The following MYOCOS variants were observed in gnomAD, a reference collection of about 807,000 sequenced individuals.
The protein encoded by MYOCOS is myocilin opposite strand protein.
chr1:171,606,715 C>G (rs1007771357), intron 1 of MYOCOS, among the ~76,000 whole-genome samples: 1 of 152,186 alleles, frequency 6.6e-6, no homozygotes, highest in Non-Finnish European at 1.5e-5. Context: ...ATTGTGCACT[C>G]GAGGAGCTCA....
upstream of MYOCOS, among the ~76,000 whole-genome samples, chr1:171,617,714 T>TG (rs1442547891): frequency 6.6e-6 from 1 of 152,126 alleles, no homozygotes; most frequent in East Asian, 1.9e-4. Context: ...TGTTTTGTGG[T>TG]GGGGAAAAGT....
chr1:171,608,542 C>T (rs1018048879), intron 1 of MYOCOS, among the ~76,000 whole-genome samples: 14 of 151,410 alleles, frequency 9.2e-5, no homozygotes, highest in Admixed American at 3.9e-4. Flanking sequence ...CTCAGCCTCC[C>T]GAGTAGCTGG....
At chr1:171,605,395 A>ACACACAC (rs1553253249) in intron 1 of MYOCOS, among the ~76,000 whole-genome samples, 39 of 114,758 alleles carry the variant, frequency 3.4e-4, no homozygotes, top group African/African-American at 1.2e-3. Flanking sequence ...ACACACACAC[A>ACACACAC]AAAAAAAAAA....
At chr1:171,615,588 C>A (rs1652431802) in intron 2 of MYOCOS, among the ~76,000 whole-genome samples, 1 of 152,300 alleles carries the variant, frequency 6.6e-6, no homozygotes, top group East Asian at 1.9e-4. Context: ...AAAATCAACT[C>A]ATAACTTAGA....
At chr1:171,604,556 G>A (rs1389497241) in intron 1 of MYOCOS, among the ~76,000 whole-genome samples, 1 of 152,160 alleles carries the variant, frequency 6.6e-6, no homozygotes, top group East Asian at 1.9e-4. Context: ...TTTGAAGTAA[G>A]ACTAAGAACT....
upstream of MYOCOS, among the ~76,000 whole-genome samples, chr1:171,621,962 T>C (rs1238006503): frequency 6.6e-6 from 1 of 152,194 alleles, no homozygotes; most frequent in African/African-American, 2.4e-5. Context: ...ACTCCTCTTT[T>C]ACAAGTAAGA....
rs1652243897 is a variant in MYOCOS at position 171,606,401 on chromosome 1, T to A, written c.-252+5321T>A. ...TATTGTTTTATACTCAGTACCTGTT[T>A]TAAGAAAAAAAGAAAAAACAACAAG... On this transcript the variant is annotated intron_variant, in intron 1 of 3. Transcript: ENST00000636697. 2.0e-5 allele frequency among the ~76,000 whole-genome samples: 3 copies of A among 152,106 alleles called. No individual in the cohort carries two copies. The South Asian group carries it at 6.2e-4, about 31-fold the overall frequency.
rs139468114 is a variant in MYOCOS, at chr1:171,607,366, T to A, written c.-252+6286T>A. Among the ~76,000 whole-genome samples the A allele has an allele frequency of 4.0e-4, 61 of 152,316 alleles. 1 individual carries two copies. The East Asian group carries it at 0.011, about 28-fold the overall frequency. Reference sequence around the variant, plus strand: ...TGGATTTTTCCAGAGTGAAATAACTTCTGTAAATACAAAATTTAGGCCATT... The same window carrying A: ...TGGATTTTTCCAGAGTGAAATAACTACTGTAAATACAAAATTTAGGCCATT... On this transcript the variant is annotated intron_variant, in intron 1 of 3. Coordinates refer to the MYOCOS transcript ENST00000636697.
At chr1:171,619,883 A>G (rs1395984788), upstream of MYOCOS, among the ~76,000 whole-genome samples, 1 of 151,150 alleles carries the variant, frequency 6.6e-6, no homozygotes, top group East Asian at 1.9e-4. Flanking sequence ...GTGGCTGTAT[A>G]TCTTCTGAAA....
chr1:171,606,816 T>C (rs1437445678), intron 1 of MYOCOS, among the ~76,000 whole-genome samples: 3 of 152,078 alleles, frequency 2.0e-5, no homozygotes, highest in African/African-American at 7.2e-5. Flanking sequence ...CTGCGGCTTG[T>C]CCTGCTACAG....
chr1:171,605,907 T>G (rs896937767), intron 1 of MYOCOS, among the ~76,000 whole-genome samples: 3 of 152,200 alleles, frequency 2.0e-5, no homozygotes, highest in African/African-American at 7.2e-5. Context: ...AGAGAAATGC[T>G]ATCTATCAAA....
At chr1:171,606,052 G>A (rs977221177) in intron 1 of MYOCOS, among the ~76,000 whole-genome samples, 1 of 152,164 alleles carries the variant, frequency 6.6e-6, no homozygotes. Flanking sequence ...GCCCGTAAAA[G>A]TGTAGCACGG....
intron 1 of MYOCOS, among the ~76,000 whole-genome samples, chr1:171,611,553 TC>T (rs1324525064): frequency 6.6e-6 from 1 of 152,190 alleles, no homozygotes; most frequent in Non-Finnish European, 1.5e-5. Flanking sequence ...CCACAAAACA[TC>T]TTTGTGAGTC....
At chr1:171,623,800 C>G (rs2102940106) in intron 1 of MYOCOS, 41 bp from the exon 2 acceptor site, 1 of 397,894 alleles carries the variant, frequency 2.5e-6, no homozygotes, top group South Asian at 1.3e-4. Context: ...ATTCCTGACC[C>G]CTGAAGCATG....
At chr1:171,613,672 T>C (rs1652396591) in intron 1 of MYOCOS, among the ~76,000 whole-genome samples, 1 of 152,112 alleles carries the variant, frequency 6.6e-6, no homozygotes, top group Non-Finnish European at 1.5e-5. Flanking sequence ...CTCAGCTTCC[T>C]GAGTAGCTGG....
At chr1:171,604,652 C>A (rs1652209948) in intron 1 of MYOCOS, among the ~76,000 whole-genome samples, 1 of 152,094 alleles carries the variant, frequency 6.6e-6, no homozygotes, top group Non-Finnish European at 1.5e-5. Flanking sequence ...AAATTTGACG[C>A]CTGTGCCACT....
At chr1:171,614,013 T>A (rs1652403892) in intron 1 of MYOCOS, among the ~76,000 whole-genome samples, 1 of 152,222 alleles carries the variant, frequency 6.6e-6, no homozygotes, top group South Asian at 2.1e-4. Flanking sequence ...ATTGTCCTTA[T>A]AATTAGTAGT....
chr1:171,624,612 G>GAGTGTGTGTTTT (rs1652656308), intron 2 of MYOCOS, among the ~76,000 whole-genome samples: 1 of 151,066 alleles, frequency 6.6e-6, no homozygotes, highest in Non-Finnish European at 1.5e-5. Context: ...AATATTTTGT[G>GAGTGTGTGTTTT]TGTGTGTGTG....
At chr1:171,612,062 GTTTCT>G (rs535900839) in intron 1 of MYOCOS, among the ~76,000 whole-genome samples, 72 of 151,886 alleles carry the variant, frequency 4.7e-4, no homozygotes, top group African/African-American at 6.3e-4. Flanking sequence ...TACCCTTTAG[GTTTCT>G]TTTCTTTTCT....
Sources: gnomAD v4.1 joint callset for allele counts (sites outside exome capture counted in the v4.1 genomes callset) on GRCh38, gnomAD v4.1.1 for gene constraint, MANE v1.5 for transcripts, NCBI Gene and HGNC (gene_info 2026-07-23, HGNC 2026-07-21) for gene names.